The following MALRD1 variants were observed in gnomAD, a reference collection of about 807,000 sequenced individuals.
MALRD1 encodes the protein MAM and LDL-receptor class A domain-containing protein 1.
In MALRD1, 247 loss-of-function variants were observed where a neutral mutation model predicts 242.1. That is an observed-to-expected ratio of 1.02 (90% CI 0.92 to 1.13). The LOEUF (loss-of-function observed/expected upper bound fraction) is 1.13. MALRD1 is among the 50% of genes most tolerant of loss of function. The pLI is 0.00. For missense variants in MALRD1, 2,989 were observed against 2,533.1 expected, an observed-to-expected ratio of 1.18 and a Z score of -3.86; for synonymous variants, 995 against 866.6, an observed-to-expected ratio of 1.15 and a Z score of -2.60.
chr10:19,051,818 AG>A (rs1304899084), intron 1 of MALRD1: 1 of 152,660 alleles, frequency 6.6e-6, no homozygotes, highest in Non-Finnish European at 1.4e-5. Context: ...GCTACTTGGG[AG>A]GCTGAGGCAG....
intron 18 of MALRD1, among the ~76,000 whole-genome samples, chr10:19,218,208 G>T (rs1837406957): frequency 6.6e-6 from 1 of 151,762 alleles, no homozygotes; most frequent in Non-Finnish European, 1.5e-5. Context: ...CTCTGTTTTG[G>T]CTTATTGTTC....
At chr10:19,684,404 A>G (rs1224728614) in intron 36 of MALRD1, among the ~76,000 whole-genome samples, 6 of 152,222 alleles carry the variant, frequency 3.9e-5, no homozygotes, top group Non-Finnish European at 8.8e-5. Flanking sequence ...AGCATGTAAT[A>G]TAAATGGAGA....
intron 18 of MALRD1, among the ~76,000 whole-genome samples, chr10:19,246,923 G>GAATA (rs1839080247): frequency 1.3e-5 from 2 of 151,804 alleles, no homozygotes; most frequent in South Asian, 4.1e-4. Context: ...TAATATGAAT[G>GAATA]TGTGGCTCTA....
chr10:19,530,404 T>TA (rs71388845), intron 31 of MALRD1, among the ~76,000 whole-genome samples: 868 of 19,094 alleles, frequency 0.045, 55 homozygotes, highest in Middle Eastern at 0.12. Context: ...ATAAATATTA[T>TA]ATATTTATAT....
At chr10:19,053,283 A>C (rs1359059581) in intron 1 of MALRD1, among the ~76,000 whole-genome samples, 5 of 152,184 alleles carry the variant, frequency 3.3e-5, no homozygotes, top group Non-Finnish European at 5.9e-5. Context: ...TTTGTTTTTA[A>C]AAATCGAAGA....
At chr10:19,418,552 A>G (rs1048217277) in intron 28 of MALRD1, among the ~76,000 whole-genome samples, 4 of 152,136 alleles carry the variant, frequency 2.6e-5, no homozygotes, top group African/African-American at 9.7e-5. Flanking sequence ...ATTGTTTACA[A>G]TAACAGAGAA....
rs116921495 is a variant in MALRD1 at position 19,431,012 on chromosome 10, T to A, written c.4846-19295T>A. Among the ~76,000 whole-genome samples, 1,496 of 152,322 alleles carry A rather than the reference T, an allele frequency of 9.8e-3. 8 individuals carry two copies. The highest frequency in any genetic ancestry group is 0.016 in the Non-Finnish European group (1,112 of 68,024). ...TAAGCCATTTTTTAATTTTAATTTTTATTTCAAGTTCTGGTGTACATGTGC... is the reference window on the plus strand; with the variant it reads ...TAAGCCATTTTTTAATTTTAATTTTAATTTCAAGTTCTGGTGTACATGTGC... On this transcript the variant is annotated intron_variant, in intron 28 of 39. Coordinates refer to ENST00000454679, the MANE Select transcript of MALRD1 (RefSeq NM_001142308.3).
At chr10:19,333,008 C>T (rs929140075) in intron 24 of MALRD1, among the ~76,000 whole-genome samples, 2 of 152,088 alleles carry the variant, frequency 1.3e-5, no homozygotes, top group African/African-American at 4.8e-5. Flanking sequence ...GCTATCCCTC[C>T]CCTAGCCCCC....
At chr10:19,652,677 A>C (rs947887847) in intron 36 of MALRD1, among the ~76,000 whole-genome samples, 5 of 152,208 alleles carry the variant, frequency 3.3e-5, no homozygotes, top group African/African-American at 1.2e-4. Context: ...CCAACACCTA[A>C]GAACTACCAG....
chr10:19,701,221 C>G (rs1272891240), intron 38 of MALRD1, among the ~76,000 whole-genome samples: 2 of 152,026 alleles, frequency 1.3e-5, no homozygotes, highest in Non-Finnish European at 2.9e-5. Flanking sequence ...GCAGACCAGC[C>G]TAGCAGATGG....
intron 1 of MALRD1, among the ~76,000 whole-genome samples, chr10:19,053,701 A>G (rs537124633): frequency 3.9e-5 from 6 of 152,224 alleles, no homozygotes; most frequent in Admixed American, 2.6e-4. Context: ...GGAAAACCTT[A>G]GTTCTAAGGA....
intron 28 of MALRD1, among the ~76,000 whole-genome samples, chr10:19,447,627 A>G (rs1835073948): frequency 2.6e-5 from 4 of 152,310 alleles, no homozygotes; most frequent in Admixed American, 2.6e-4. Flanking sequence ...GAGTGGCTTT[A>G]TAAACTGCAG....
intron 5 of MALRD1, among the ~76,000 whole-genome samples, chr10:19,112,659 T>A (rs1486497135): frequency 6.6e-6 from 1 of 152,194 alleles, no homozygotes; most frequent in Non-Finnish European, 1.5e-5. Flanking sequence ...GGGCAATGTT[T>A]TTGGCCATAT....
At chr10:19,163,833 T>C (rs1834553194) in intron 12 of MALRD1, among the ~76,000 whole-genome samples, 2 of 152,220 alleles carry the variant, frequency 1.3e-5, no homozygotes, top group Non-Finnish European at 2.9e-5. Flanking sequence ...AAATATAAGT[T>C]CTGAGCTCTT....
chr10:19,428,139 G>T (rs951270696), intron 28 of MALRD1, among the ~76,000 whole-genome samples: 2 of 151,762 alleles, frequency 1.3e-5, no homozygotes, highest in African/African-American at 4.8e-5. Context: ...TTCTCCTTGG[G>T]GTGGGCAGGG....
chr10:19,437,346 C>T (rs1834389909), intron 28 of MALRD1, among the ~76,000 whole-genome samples: 1 of 151,680 alleles, frequency 6.6e-6, no homozygotes, highest in African/African-American at 2.4e-5. Context: ...TTGCGAGGGC[C>T]CTGACACTGA....
intron 1 of MALRD1, among the ~76,000 whole-genome samples, chr10:19,057,619 A>G (rs559456333): frequency 6.6e-6 from 1 of 152,336 alleles, no homozygotes; most frequent in South Asian, 2.1e-4. Flanking sequence ...AGAAAGTCAG[A>G]AAAAACACAG....
intron 2 of MALRD1, among the ~76,000 whole-genome samples, chr10:19,077,439 T>C (rs867112044): frequency 6.6e-6 from 1 of 151,934 alleles, no homozygotes; most frequent in African/African-American, 2.4e-5. Context: ...ATTTGAGAAA[T>C]CTCAATAATA....
At chr10:19,058,481 A>G (rs976309907) in intron 1 of MALRD1, among the ~76,000 whole-genome samples, 7 of 152,190 alleles carry the variant, frequency 4.6e-5, no homozygotes, top group African/African-American at 1.7e-4. Context: ...TTTGTTGAAT[A>G]TTGATATTGA....
Sources: allele counts gnomAD v4.1 joint callset (sites outside exome capture counted in the v4.1 genomes callset), GRCh38; gene constraint gnomAD v4.1.1; transcripts MANE v1.5; gene names NCBI Gene and HGNC (gene_info 2026-07-23, HGNC 2026-07-21).